CCDC171: variants seen among roughly 807,000 people sequenced by gnomAD.
The protein encoded by CCDC171 is coiled-coil domain-containing protein 171.
In CCDC171, 177 loss-of-function variants were observed where a neutral mutation model predicts 168.2. The ratio of observed to expected loss-of-function variants is 1.05; its 90% CI spans 0.93 to 1.19. CCDC171 has a LOEUF of 1.19. Among genes scored for constraint, CCDC171 ranks in the 50% most tolerant of loss-of-function variants. CCDC171 has a pLI of 0.00. For synonymous variants in CCDC171, 687 were observed against 540.8 expected (o/e 1.27, Z -3.75); for missense variants, 1,991 against 1,539.0 (o/e 1.29, Z -4.91).
At chr9:15,727,274 A>C (rs761797731) in intron 14 of CCDC171, among the ~76,000 whole-genome samples, 1 of 152,122 alleles carries the variant, frequency 6.6e-6, no homozygotes, top group Non-Finnish European at 1.5e-5. Context: ...TCATATCACT[A>C]TCTGCTTTGC....
At chr9:15,809,632 C>T (rs556622236) in intron 21 of CCDC171, among the ~76,000 whole-genome samples, 30 of 149,172 alleles carry the variant, frequency 2.0e-4, no homozygotes, top group African/African-American at 6.2e-4. Context: ...TCTTCCTGTC[C>T]GGAGTTGTTC....
intron 16 of CCDC171, among the ~76,000 whole-genome samples, chr9:15,734,517 G>A (rs902823560): frequency 2.6e-5 from 4 of 152,056 alleles, no homozygotes; most frequent in Non-Finnish European, 5.9e-5. Flanking sequence ...CAGCCTGGGC[G>A]AAACTCCAAC....
intron 9 of CCDC171, among the ~76,000 whole-genome samples, chr9:15,674,543 G>T (rs989579043): frequency 6.6e-6 from 1 of 152,150 alleles, no homozygotes. Context: ...ATGTCCCAGA[G>T]ATTCTGGTAT....
chr9:16,083,476 G>A, the CCDC171 span, among the ~76,000 whole-genome samples: 1 of 152,092 alleles, frequency 6.6e-6, no homozygotes, highest in Non-Finnish European at 1.5e-5. Flanking sequence ...GTCAAGAATT[G>A]TTCCTTACAT....
intron 24 of CCDC171, among the ~76,000 whole-genome samples, chr9:15,883,943 A>G (rs1819045350): frequency 6.6e-6 from 1 of 152,246 alleles, no homozygotes; most frequent in African/African-American, 2.4e-5. Context: ...CAACTTTGCT[A>G]GAAAGTAGTA....
intron 1 of CCDC171, among the ~76,000 whole-genome samples, chr9:16,045,459 G>A (rs1252834459): frequency 1.3e-5 from 2 of 152,140 alleles, no homozygotes; most frequent in Admixed American, 6.5e-5. Context: ...CTAGGTGCTG[G>A]TAGCACTCCT....
intron 23 of CCDC171, among the ~76,000 whole-genome samples, chr9:15,870,664 T>TG (rs138395700): frequency 4.0e-5 from 6 of 149,028 alleles, no homozygotes; most frequent in Admixed American, 6.7e-5. Context: ...TGAGTGTGTG[T>TG]TTTTTTTTTA....
chr9:15,577,581 T>G (rs1328025060), intron 3 of CCDC171, among the ~76,000 whole-genome samples: 1 of 152,186 alleles, frequency 6.6e-6, no homozygotes, highest in Non-Finnish European at 1.5e-5. Flanking sequence ...TTGAGACAAT[T>G]TCTGATACCA....
intron 7 of CCDC171, among the ~76,000 whole-genome samples, chr9:15,646,072 AAG>A (rs2047011045): frequency 2.0e-5 from 3 of 152,206 alleles, no homozygotes; most frequent in African/African-American, 7.2e-5. Context: ...TACAAGCCAG[AAG>A]AGAGTGGGGG....
chr9:15,785,668 T>C (rs1243131151), intron 21 of CCDC171, among the ~76,000 whole-genome samples: 1 of 152,072 alleles, frequency 6.6e-6, no homozygotes, highest in Non-Finnish European at 1.5e-5. Flanking sequence ...TTATTCCTGT[T>C]TTATAAATGA....
chr9:15,944,826 TTTC>T, intron 25 of CCDC171, among the ~76,000 whole-genome samples: 3 of 27,296 alleles, frequency 1.1e-4, no homozygotes. Flanking sequence ...TAGAATTCTT[TTTC>T]TTTCTTTTTT....
intron 18 of CCDC171, among the ~76,000 whole-genome samples, chr9:15,746,027 C>T (rs919276496): frequency 2.0e-5 from 3 of 151,980 alleles, no homozygotes; most frequent in South Asian, 2.1e-4. Flanking sequence ...TTTTATCTCT[C>T]GTTTTGTGAT....
At chr9:15,736,350 C>A (rs1226578938) in intron 16 of CCDC171, among the ~76,000 whole-genome samples, 1 of 151,824 alleles carries the variant, frequency 6.6e-6, no homozygotes, top group African/African-American at 2.4e-5. Context: ...TTATGGAACT[C>A]ATATTCCTTT....
intron 10 of CCDC171, among the ~76,000 whole-genome samples, chr9:15,692,847 T>C (rs2050915405): frequency 6.7e-6 from 1 of 148,202 alleles, no homozygotes; most frequent in Non-Finnish European, 1.5e-5. Context: ...CTTTTAAAAA[T>C]GATTCTAGGC....
intron 7 of CCDC171, among the ~76,000 whole-genome samples, chr9:15,648,511 C>G (rs1161438996): frequency 6.6e-6 from 1 of 152,160 alleles, no homozygotes; most frequent in Non-Finnish European, 1.5e-5. Context: ...ATCGTCTCAG[C>G]CCAAAATCTC....
At chr9:15,936,394 A>G (rs1366518029) in intron 25 of CCDC171, among the ~76,000 whole-genome samples, 1 of 151,924 alleles carries the variant, frequency 6.6e-6, no homozygotes, top group Non-Finnish European at 1.5e-5. Context: ...AGAGTTCTCT[A>G]ATCATCACCA....
At chr9:16,087,822 T>C in the CCDC171 span, among the ~76,000 whole-genome samples, 1 of 152,282 alleles carries the variant, frequency 6.6e-6, no homozygotes, top group Non-Finnish European at 1.5e-5. Context: ...CTTTAGTTGA[T>C]GCAGTTTCTT....
At chr9:15,645,053 G>T (rs2046927291) in intron 7 of CCDC171, among the ~76,000 whole-genome samples, 1 of 152,210 alleles carries the variant, frequency 6.6e-6, no homozygotes, top group South Asian at 2.1e-4. Context: ...GCTTCCAGAG[G>T]AACGATCAGG....
chr9:15,784,793 A>G (rs2057852833), intron 21 of CCDC171, 99 bp downstream of exon 21: 3 of 887,340 alleles, frequency 3.4e-6, no homozygotes, highest in South Asian at 2.0e-5. Flanking sequence ...AGATCCCAAG[A>G]TGTAAAATTT....
Sources: allele counts gnomAD v4.1 joint callset (sites outside exome capture counted in the v4.1 genomes callset), GRCh38; gene constraint gnomAD v4.1.1; transcripts MANE v1.5; gene names NCBI Gene and HGNC (gene_info 2026-07-23, HGNC 2026-07-21).